Variants in PTPA observed in about 807,000 individuals in gnomAD.
PTPA encodes serine/threonine-protein phosphatase 2A activator.
Under a neutral mutation model 43.6 loss-of-function variants are expected in PTPA, and 13 were observed. That is an observed-to-expected ratio of 0.30 (90% CI 0.19 to 0.47). The LOEUF (loss-of-function observed/expected upper bound fraction) is 0.47, where lower values mean the gene tolerates loss of function less well. PTPA is among the 20% of genes least tolerant of loss of function. The pLI is 0.99. For synonymous variants in PTPA, 172 were observed against 158.2 expected, an observed-to-expected ratio of 1.09 and a Z score of -0.66; for missense variants, 329 against 411.9, an observed-to-expected ratio of 0.80 and a Z score of 1.74.
In PTPA at chr9:129,131,533, C is replaced by T. The variant is rs1020481349; in HGVS notation, c.354C>T (p.Asn118=). 3.1e-6 allele frequency: 5 copies of T among 1,613,692 alleles called. No individual in the cohort carries two copies. The highest frequency in any genetic ancestry group is 4.2e-6 in the Non-Finnish European group (5 of 1,180,016). ...TCTTGTGTTACCAGGAAGCAGAAAA[C>T]TTGGTGGCCACAGTGGTCCCTACCC... ...WYAKLDEEAE[N]LVATVVPTHL... is the part of the protein sequence containing the mutation. Residue 118 remains asparagine, a synonymous_variant, in exon 5 of 10, where the codon AAC becomes AAT. Coordinates refer to ENST00000393370, the MANE Select transcript of PTPA (RefSeq NM_178000.3).
intron 5 of PTPA, among the ~76,000 whole-genome samples, chr9:129,134,003 C>A (rs990991895): frequency 1.3e-5 from 2 of 152,206 alleles, no homozygotes; most frequent in Non-Finnish European, 2.9e-5. Context: ...TGAACCCTTA[C>A]GTCAGGGTCC....
intron 1 of PTPA, among the ~76,000 whole-genome samples, chr9:129,113,722 A>T (rs942066354): frequency 3.9e-5 from 6 of 151,940 alleles, no homozygotes; most frequent in Non-Finnish European, 7.4e-5. Flanking sequence ...GTGAGCCGAG[A>T]TTGCTCCACT....
At chr9:129,142,998 G>A in intron 9 of PTPA, 1 of 1,248,690 alleles carries the variant, frequency 8.0e-7, no homozygotes, top group Non-Finnish European at 1.1e-6. Context: ...TCACTGAGTG[G>A]TGGGAGGTCT....
At chr9:129,132,731 C>A (rs902043528) in intron 5 of PTPA, among the ~76,000 whole-genome samples, 2 of 152,214 alleles carry the variant, frequency 1.3e-5, no homozygotes, top group Non-Finnish European at 2.9e-5. Context: ...GAGGTCACTT[C>A]TCCACCCACC....
chr9:129,137,754 G>A, intron 8 of PTPA, 62 bp downstream of exon 8: 2 of 1,429,962 alleles, frequency 1.4e-6, no homozygotes, highest in Non-Finnish European at 1.9e-6. Context: ...AACCAAGGCT[G>A]GTGGCCTTAC....
At chr9:129,146,588 C>T (rs1409521710) in intron 9 of PTPA, among the ~76,000 whole-genome samples, 9 of 152,232 alleles carry the variant, frequency 5.9e-5, no homozygotes. Flanking sequence ...TCAGTCTTGG[C>T]AGATCCAACC....
intron 8 of PTPA, 184 bp from the exon 9 acceptor site, chr9:129,142,261 G>A (rs935053771): frequency 1.0e-4 from 53 of 506,296 alleles, no homozygotes; most frequent in Non-Finnish European, 1.3e-4. Flanking sequence ...GCATGTGCCT[G>A]TTTGTATGTT....
intron 9 of PTPA, among the ~76,000 whole-genome samples, chr9:129,145,158 CTG>C (rs537207011): frequency 8.7e-4 from 133 of 152,240 alleles, no homozygotes; most frequent in Non-Finnish European, 1.6e-3. Flanking sequence ...CGGTGAAACA[CTG>C]TGTCTACTAA....
Position 129,137,866 on chromosome 9 carries a change from G to A in PTPA, c.786+174G>A, listed in dbSNP as rs1006601946. 10 of 671,700 alleles carry A rather than the reference G, an allele frequency of 1.5e-5. No homozygotes were observed. The Middle Eastern group carries it at 9.9e-4, about 67-fold the overall frequency. 41.6% of individuals were successfully genotyped at this position (671,700 alleles called of 1,614,324 possible). On this transcript the variant is annotated intron_variant, in intron 8 of 9. Coordinates refer to ENST00000393370, the MANE Select transcript of PTPA (RefSeq NM_178000.3). Reference sequence around the variant, plus strand: ...CTGGGCCTCTTCCGAAAGAGCCGCTGCTGACTGTCAGGTCCTCCGCCCAGT... The same window carrying A: ...CTGGGCCTCTTCCGAAAGAGCCGCTACTGACTGTCAGGTCCTCCGCCCAGT...
At chr9:129,143,782 C>T in intron 9 of PTPA, 3 of 219,580 alleles carry the variant, frequency 1.4e-5, no homozygotes, top group Non-Finnish European at 1.9e-5. Flanking sequence ...CTTCCGGCTG[C>T]AGCTGGCCAC....
intron 1 of PTPA, among the ~76,000 whole-genome samples, chr9:129,114,845 T>C (rs1848764336): frequency 1.3e-5 from 2 of 152,186 alleles, no homozygotes; most frequent in African/African-American, 2.4e-5. Flanking sequence ...GTTTCTTTGA[T>C]TTGGGATTGT....
intron 1 of PTPA, among the ~76,000 whole-genome samples, chr9:129,114,560 C>T (rs17508743): frequency 3.9e-5 from 6 of 152,112 alleles, no homozygotes; most frequent in East Asian, 1.9e-4. Flanking sequence ...ACATAGTAGG[C>T]GATCAGTAAA....
At chr9:129,147,338 G>C in intron 9 of PTPA, 49 bp from the exon 10 acceptor site, 1 of 1,572,778 alleles carries the variant, frequency 6.4e-7, no homozygotes, top group Non-Finnish European at 8.7e-7. Flanking sequence ...GTCCTGGCAG[G>C]GGTGTGGTGT....
At chr9:129,114,451 G>A (rs3124503) in intron 1 of PTPA, among the ~76,000 whole-genome samples, 151,709 of 152,330 alleles carry the variant, frequency 1, 75,552 homozygotes, top group Middle Eastern at 1. Flanking sequence ...TTTTTTCCCT[G>A]AGAAAAAGCC....
At chr9:129,144,744 A>AG (rs1851180380) in intron 9 of PTPA, among the ~76,000 whole-genome samples, 1 of 150,554 alleles carries the variant, frequency 6.6e-6, no homozygotes, top group African/African-American at 2.5e-5. Context: ...CTCAAAAAAA[A>AG]AAAAAAAAAA....
At chr9:129,142,679 A>T in intron 9 of PTPA, 127 bp downstream of exon 9, 1 of 1,548,506 alleles carries the variant, frequency 6.5e-7, no homozygotes, top group Non-Finnish European at 8.7e-7. Context: ...TCTGAATCTT[A>T]GGCCAGCCCC....
chr9:129,116,487 C>T (rs910311524), intron 1 of PTPA, among the ~76,000 whole-genome samples: 6 of 149,136 alleles, frequency 4.0e-5, no homozygotes, highest in Admixed American at 6.8e-5. Context: ...TCCATGTTCT[C>T]GCCATTCTCC....
chr9:129,111,567 G>A lies in PTPA; in HGVS notation c.-34G>A. 1 of 1,293,898 alleles carries A rather than the reference G, an allele frequency of 7.7e-7. No homozygotes were observed. The highest frequency in any genetic ancestry group is 9.9e-7 in the Non-Finnish European group (1 of 1,012,482). 80.2% of individuals were successfully genotyped at this position (1,293,898 alleles called of 1,614,324 possible). On this transcript the variant is annotated 5_prime_UTR_variant, in exon 1 of 10. Transcript: ENST00000393370. ...CAAGAGTGAAAGGCGAGAGGGGACT[G>A]CAAGCATCCGGGTCGGCTCCTGGCC...
In PTPA at chr9:129,137,595, A is replaced by C; in HGVS notation, c.689A>C (p.His230Pro). The C allele has an allele frequency of 6.2e-7, 1 of 1,610,380 alleles. No homozygotes were observed. The highest frequency in any genetic ancestry group is 8.5e-7 in the Non-Finnish European group (1 of 1,178,168). ...FIWGSSQLIDHPYLEPRHFVD... is the reference protein window; with the variant it reads ...FIWGSSQLIDPPYLEPRHFVD... ...TGGGGCCCATTCCTTTTCCCAGACC[A>C]CCCATACCTGGAGCCCAGACACTTT... The change falls in exon 8 of 10, where the codon CAC (histidine) becomes CCC (proline). Residue 230 changes from histidine (H) to proline (P), a missense_variant. Physicochemically the swap from His to Pro is moderately conservative, Grantham distance 77 (BLOSUM62 -2). Coordinates refer to ENST00000393370, the MANE Select transcript of PTPA (RefSeq NM_178000.3).
Sources: gnomAD v4.1 joint callset for allele counts (sites outside exome capture counted in the v4.1 genomes callset) on GRCh38, gnomAD v4.1.1 for gene constraint, MANE v1.5 for transcripts, NCBI Gene and HGNC (gene_info 2026-07-23, HGNC 2026-07-21) for gene names.